The following GRK5 variants were observed in gnomAD, a reference collection of about 807,000 sequenced individuals.
The protein encoded by GRK5 is g protein-coupled receptor kinase GRK5.
A neutral mutation model predicts 78.4 loss-of-function variants in GRK5; 40 were observed. That is an observed-to-expected ratio of 0.51 (90% CI 0.40 to 0.66). GRK5 has a LOEUF of 0.66. GRK5 is among the 30% of genes least tolerant of loss of function. GRK5 has a pLI of 0.00. For synonymous variants in GRK5, 289 were observed against 296.8 expected, an observed-to-expected ratio of 0.97 and a Z score of 0.27; for missense variants, 598 against 759.9, an observed-to-expected ratio of 0.79 and a Z score of 2.50.
In GRK5 at chr10:119,326,509, T is replaced by C; in HGVS notation, c.53-7T>C. The C allele has an allele frequency of 6.2e-7, 1 of 1,611,942 alleles. No individual in the cohort carries two copies. Among genetic ancestry groups the C allele is most frequent in the South Asian group, 1.1e-5 (1 of 91,040 alleles). Reference sequence around the variant, plus strand: ...TCAGCCAGGCATCTTTTTCCCCATCTCTGCAGGGGGCGGAGGAAAGCGCAA... The same window carrying C: ...TCAGCCAGGCATCTTTTTCCCCATCCCTGCAGGGGGCGGAGGAAAGCGCAA... On this transcript the variant is annotated splice_polypyrimidine_tract_variant and splice_region_variant and intron_variant, in intron 1 of 15. Coordinates refer to ENST00000392870, the MANE Select transcript of GRK5 (RefSeq NM_005308.3).
In GRK5 at chr10:119,424,998, T is replaced by TCCA. The variant is rs1213255706; in HGVS notation, c.448_450dup (p.His150dup). The TCCA allele has an allele frequency of 6.2e-7, 1 of 1,609,328 alleles. No homozygotes were observed. Among genetic ancestry groups the TCCA allele is most frequent in the Non-Finnish European group, 8.5e-7 (1 of 1,175,756 alleles). On this transcript the variant is annotated inframe_insertion, in exon 6 of 16. Transcript: ENST00000392870. Reference sequence around the variant, plus strand: ...TCTTGTTCCATCTGCACTAGGTCTGTCCACGAGTACCTGAGGGGAGAACCA... The same window carrying TCCA: ...TCTTGTTCCATCTGCACTAGGTCTGTCCACCACGAGTACCTGAGGGGAGAACCA...
intron 1 of GRK5, among the ~76,000 whole-genome samples, chr10:119,311,977 G>A (rs1275995623): frequency 6.1e-5 from 9 of 147,764 alleles, no homozygotes; most frequent in African/African-American, 2.0e-4. Context: ...GTAGAGTGGC[G>A]CGATCTCAGC....
In GRK5 at chr10:119,257,716, T is replaced by C. The variant is rs554186133; in HGVS notation, c.52+49747T>C. 1.8e-4 allele frequency among the ~76,000 whole-genome samples: 28 copies of C among 152,122 alleles called. 1 individual carries two copies. In the South Asian group the frequency reaches 5.8e-3, roughly 32 times the overall value. ...TCCAGCTTGGGCAACAGAGCGAGAC[T>C]CTGTCTAAACAAAAGAAAACAACCC... On this transcript the variant is annotated intron_variant, in intron 1 of 15. Transcript: ENST00000392870.
chr10:119,411,842 CTTTTTTTTTTTTT>C lies in GRK5; in HGVS notation c.340-11310_340-11298del, dbSNP rs10578557. On this transcript the variant is annotated intron_variant, in intron 4 of 15. Transcript: ENST00000392870. The stretch of plus-strand genomic sequence containing the variant: ...CCTCAGCTTCATTGCAGATCTGCTT[CTTTTTTTTTTTTT>C]TTTTTTTTTTTTTGAGATAGAGTCT... Among the ~76,000 whole-genome samples the C allele has an allele frequency of 5.8e-4, 56 of 95,988 alleles. 1 individual carries two copies. The highest frequency in any genetic ancestry group is 9.4e-4 in the Non-Finnish European group (45 of 47,858). The allele number at this position is 95,988 out of a possible 152,430, so 63.0% of individuals were successfully genotyped here.
chr10:119,346,830 T>C (rs1001697275), intron 2 of GRK5, among the ~76,000 whole-genome samples: 8 of 152,202 alleles, frequency 5.3e-5, no homozygotes, highest in Admixed American at 2.0e-4. Flanking sequence ...CTGGCCTTTC[T>C]TGTTAGTTTC....
At chr10:119,308,131 A>C (rs1850302517) in intron 1 of GRK5, among the ~76,000 whole-genome samples, 1 of 152,080 alleles carries the variant, frequency 6.6e-6, no homozygotes, top group South Asian at 2.1e-4. Flanking sequence ...GCAGGGTCAG[A>C]GCTGGGTCTA....
At chr10:119,365,766 AC>A (rs1851439357) in intron 2 of GRK5, among the ~76,000 whole-genome samples, 1 of 151,994 alleles carries the variant, frequency 6.6e-6, no homozygotes, top group Admixed American at 6.6e-5. Context: ...CCCTCAACAC[AC>A]CCTTTCTTAG....
At chr10:119,376,956 C>G (rs1049338893) in intron 2 of GRK5, among the ~76,000 whole-genome samples, 1 of 152,186 alleles carries the variant, frequency 6.6e-6, no homozygotes, top group African/African-American at 2.4e-5. Flanking sequence ...GTTCCATGTT[C>G]TAGAAGAGCA....
chr10:119,363,173 C>T (rs779654577), intron 2 of GRK5, among the ~76,000 whole-genome samples: 1 of 151,150 alleles, frequency 6.6e-6, no homozygotes, highest in Non-Finnish European at 1.5e-5. Flanking sequence ...CCCAGCTACT[C>T]GGGAGGCTGA....
At chr10:119,328,260 G>A (rs1350456171) in intron 2 of GRK5, among the ~76,000 whole-genome samples, 1 of 152,236 alleles carries the variant, frequency 6.6e-6, no homozygotes, top group African/African-American at 2.4e-5. Context: ...AAGAGGGGCT[G>A]TGTTCCTGGG....
chr10:119,446,667 C>T (rs939277119), intron 12 of GRK5, among the ~76,000 whole-genome samples: 10 of 152,346 alleles, frequency 6.6e-5, no homozygotes, highest in African/African-American at 2.2e-4. Context: ...GACCCTGAGC[C>T]GCCAGCCTGG....
At position 119,217,234 on chromosome 10, in the gene GRK5, C is replaced by T. The variant is rs754662962; in HGVS notation, c.52+9265C>T. ...GGCAAATTGGGAATATAATTTCTGT[C>T]TCAGACCGTGATTTCAGCTGAGGGC... On this transcript the variant is annotated intron_variant, in intron 1 of 15. Transcript: ENST00000392870. This position sits in a 1 kb window ranked among gnomAD's most constrained non-coding sequence, Gnocchi z 4.1. 6.6e-6 allele frequency among the ~76,000 whole-genome samples: 1 copy of T among 152,160 alleles called. No individual in the cohort carries two copies. Among genetic ancestry groups the T allele is most frequent in the Non-Finnish European group, 1.5e-5 (1 of 68,032 alleles).
intron 1 of GRK5, among the ~76,000 whole-genome samples, chr10:119,263,883 G>A (rs1849451973): frequency 1.3e-5 from 2 of 152,138 alleles, no homozygotes; most frequent in Non-Finnish European, 2.9e-5. Context: ...AGCTGAGATC[G>A]TGCCACTGCA....
chr10:119,403,285 G>A (rs981807740), intron 4 of GRK5, among the ~76,000 whole-genome samples: 36 of 152,110 alleles, frequency 2.4e-4, no homozygotes, highest in Admixed American at 1.6e-3. Context: ...TCCTGCCTCA[G>A]CCTCCCGAGT....
Position 119,242,689 on chromosome 10 carries a change from T to A in GRK5, c.52+34720T>A, listed in dbSNP as rs543155007. On this transcript the variant is annotated intron_variant, in intron 1 of 15. Transcript: ENST00000392870. ...CATGGGGATGGTTTCCACCTTGCTG[T>A]TCTTGTGAACTATCTTGTGATAGTG... 7.2e-5 allele frequency among the ~76,000 whole-genome samples: 11 copies of A among 152,094 alleles called. No homozygotes were observed. In the South Asian group the frequency reaches 2.3e-3, roughly 32 times the overall value.
intron 1 of GRK5, chr10:119,212,992 C>T (rs926156482): frequency 6.6e-6 from 1 of 152,188 alleles, no homozygotes; most frequent in Non-Finnish European, 1.5e-5. Flanking sequence ...ATATGGTGAC[C>T]TTTCGGGAGT....
intron 4 of GRK5, among the ~76,000 whole-genome samples, chr10:119,405,215 G>C (rs527527147): frequency 6.6e-6 from 1 of 152,246 alleles, no homozygotes; most frequent in South Asian, 2.1e-4. Context: ...GGTGGGTTGG[G>C]GCAGGCTTCT....
At chr10:119,290,963 G>A (rs530871822) in intron 1 of GRK5, among the ~76,000 whole-genome samples, 1 of 152,148 alleles carries the variant, frequency 6.6e-6, no homozygotes, top group Non-Finnish European at 1.5e-5. Context: ...CAGTGAATGA[G>A]CCCAGGATGG....
At position 119,253,847 on chromosome 10, in the gene GRK5, G is replaced by GGTGT. The variant is rs58171371; in HGVS notation, c.52+45901_52+45904dup. Among the ~76,000 whole-genome samples the GGTGT allele has an allele frequency of 1.3e-4, 19 of 150,372 alleles. No individual in the cohort carries two copies. The South Asian group carries it at 1.3e-3, about 10-fold the overall frequency. On this transcript the variant is annotated intron_variant, in intron 1 of 15. Coordinates refer to ENST00000392870, the MANE Select transcript of GRK5 (RefSeq NM_005308.3). This position sits in a 1 kb window ranked among gnomAD's most constrained non-coding sequence, Gnocchi z 5.7. ...GTTCCTGGTGGTTCTTTGCCCCAGG[G>GGTGT]GTGTGTGTGTGTGTGTGTGTGTGTG...
Sources: gnomAD v4.1 joint callset for allele counts (sites outside exome capture counted in the v4.1 genomes callset) on GRCh38, gnomAD v4.1.1 for gene constraint, Gnocchi (gnomAD v3.1) non-coding constraint, MANE v1.5 for transcripts, NCBI Gene and HGNC (gene_info 2026-07-23, HGNC 2026-07-21) for gene names.